CNOT7: variants seen among roughly 807,000 people sequenced by gnomAD.
CNOT7 encodes the protein CCR4-NOT transcription complex subunit 7.
A neutral mutation model predicts 37.1 loss-of-function variants in CNOT7; 4 were observed. That is an observed-to-expected ratio of 0.11 (90% CI 0.05 to 0.25). CNOT7 has a LOEUF of 0.25. Among genes scored for constraint, CNOT7 ranks in the 10% least tolerant of loss-of-function variants. CNOT7 has a pLI of 1.00. For missense variants in CNOT7, 170 were observed against 336.2 expected (o/e 0.51, Z 3.87); for synonymous variants, 128 against 115.6 (o/e 1.11, Z -0.69).
At chr8:17,244,860 C>G (rs1810679602) in intron 2 of CNOT7, 176 bp downstream of exon 2, 2 of 569,996 alleles carry the variant, frequency 3.5e-6, no homozygotes, top group Non-Finnish European at 6.2e-6. Context: ...TAAACCCAAC[C>G]TGTCAAATCA....
intron 6 of CNOT7, chr8:17,232,125 G>A: frequency 9.5e-7 from 1 of 1,055,950 alleles, no homozygotes; most frequent in Non-Finnish European, 1.2e-6. Flanking sequence ...GTTTAATCAT[G>A]GAAGTTATTA....
chr8:17,235,705 T>C (rs1191231449), intron 4 of CNOT7, among the ~76,000 whole-genome samples: 1 of 152,180 alleles, frequency 6.6e-6, no homozygotes, highest in African/African-American at 2.4e-5. Context: ...CTCACTAACA[T>C]TAAAAGATTA....
At chr8:17,244,955 CA>C in intron 2 of CNOT7, 80 bp downstream of exon 2, 1 of 1,163,930 alleles carries the variant, frequency 8.6e-7, no homozygotes, top group Non-Finnish European at 1.2e-6. Context: ...AAATATCAAC[CA>C]AAAGGGTTGA....
chr8:17,231,155 C>T (rs1808549206), intron 6 of CNOT7, among the ~76,000 whole-genome samples: 2 of 151,988 alleles, frequency 1.3e-5, no homozygotes, highest in South Asian at 4.1e-4. Context: ...TTTAACAATA[C>T]TCAAGAATGA....
At chr8:17,232,600 T>C (rs1808775119) in intron 5 of CNOT7, 63 bp from the exon 6 acceptor site, 5 of 1,440,634 alleles carry the variant, frequency 3.5e-6, no homozygotes, top group South Asian at 1.2e-5. Flanking sequence ...ATTCACAAAT[T>C]ATAAACTTAG....
chr8:17,235,960 G>C (rs186630882), intron 4 of CNOT7, among the ~76,000 whole-genome samples: 2 of 152,070 alleles, frequency 1.3e-5, no homozygotes, highest in East Asian at 1.9e-4. Context: ...TAAATGAAAG[G>C]GTATGTCATA....
chr8:17,231,579 G>A (rs1379051400), intron 6 of CNOT7: 1 of 984,830 alleles, frequency 1.0e-6, no homozygotes, highest in Admixed American at 6.2e-5. Context: ...TAAATTCTCA[G>A]TCTCAATTTA....
intron 6 of CNOT7, 38 bp from the exon 7 acceptor site, chr8:17,230,886 T>A: frequency 6.9e-7 from 1 of 1,454,564 alleles, no homozygotes; most frequent in Non-Finnish European, 9.4e-7. Flanking sequence ...AAGATAATTT[T>A]AACCAAAAGG....
At chr8:17,233,507 A>G (rs568794301) in intron 5 of CNOT7, among the ~76,000 whole-genome samples, 1 of 152,324 alleles carries the variant, frequency 6.6e-6, no homozygotes, top group Admixed American at 6.5e-5. Flanking sequence ...CATTCAGAAT[A>G]TCTGTACTTA....
Position 17,242,007 on chromosome 8 carries a change from G to C in CNOT7, c.311+985C>G, listed in dbSNP as rs545963478. On this transcript the variant is annotated intron_variant, in intron 3 of 6. Coordinates refer to ENST00000361272, the MANE Select transcript of CNOT7 (RefSeq NM_013354.7). ...AGGGCACAATGTGGGAACCAACCCT[G>C]GTCAGCATGTCGTTCCGTGGCACAG... The C allele has an allele frequency of 2.0e-5, 3 of 152,310 alleles. No homozygotes were observed. The South Asian group carries it at 6.2e-4, about 32-fold the overall frequency. 9.4% of individuals were successfully genotyped at this position (152,310 alleles called of 1,614,324 possible). A position where few individuals can be genotyped will look rare whatever the true frequency, so the allele number is the denominator to read the frequency against.
At chr8:17,246,034 C>T (rs1163409449) in intron 1 of CNOT7, 1 of 152,036 alleles carries the variant, frequency 6.6e-6, no homozygotes, top group East Asian at 1.9e-4. Flanking sequence ...ACTTCCAATT[C>T]TCCAAGTAGA....
chr8:17,245,126 G>A lies in CNOT7; in HGVS notation c.27C>T (p.Ser9=). 4 of 1,613,388 alleles carry A rather than the reference G, an allele frequency of 2.5e-6. No individual in the cohort carries two copies. Among genetic ancestry groups the A allele is most frequent in the Non-Finnish European group, 3.4e-6 (4 of 1,179,746 alleles). Residue 9 remains serine, a synonymous_variant, in exon 2 of 7, where the codon AGC becomes AGT. Coordinates refer to ENST00000361272, the MANE Select transcript of CNOT7 (RefSeq NM_013354.7). MPAATVDH[S]QRICEVWACN... is the part of the protein sequence containing the mutation. ...AAGCCCAAACTTCACAAATTCTTTG[G>A]CTATGATCTACAGTTGCCGCTGGCA... is the stretch of plus-strand genomic sequence containing the variant.
intron 5 of CNOT7, among the ~76,000 whole-genome samples, chr8:17,233,813 C>T (rs1165399711): frequency 6.6e-6 from 1 of 152,176 alleles, no homozygotes; most frequent in African/African-American, 2.4e-5. Flanking sequence ...AAGGTAAACA[C>T]TGGCCAAAAG....
chr8:17,234,565 C>A, intron 5 of CNOT7, 151 bp downstream of exon 5: 1 of 806,214 alleles, frequency 1.2e-6, no homozygotes, highest in South Asian at 1.6e-5. Flanking sequence ...ATTATGTATG[C>A]AAGAAAAAAA....
At chr8:17,238,978 T>A (rs1424061880) in intron 3 of CNOT7, among the ~76,000 whole-genome samples, 2 of 152,196 alleles carry the variant, frequency 1.3e-5, no homozygotes, top group African/African-American at 2.4e-5. Context: ...TATCCTAACA[T>A]ACAACTCCTT....
At position 17,225,074 on chromosome 8, in the gene CNOT7, G is replaced by A. The variant is rs1467345483; in HGVS notation, c.*5646C>T. ...GAAAAACAAAACAGGTATATGGCAT[G>A]AGTGAAACAGTTCCCCATTAAAAGC... On this transcript the variant is annotated 3_prime_UTR_variant, in exon 7 of 7. Coordinates refer to ENST00000361272, the MANE Select transcript of CNOT7 (RefSeq NM_013354.7). 6.6e-6 allele frequency: 1 copy of A among 151,668 alleles called. No homozygotes were observed. The highest frequency in any genetic ancestry group is 1.5e-5 in the Non-Finnish European group (1 of 67,682). 9.4% of individuals were successfully genotyped at this position (151,668 alleles called of 1,614,324 possible). A position where few individuals can be genotyped will look rare whatever the true frequency, so the allele number is the denominator to read the frequency against.
At chr8:17,233,503 G>C (rs1286555942) in intron 5 of CNOT7, among the ~76,000 whole-genome samples, 1 of 152,124 alleles carries the variant, frequency 6.6e-6, no homozygotes, top group Non-Finnish European at 1.5e-5. Context: ...GACACATTCA[G>C]AATATCTGTA....
intron 4 of CNOT7, among the ~76,000 whole-genome samples, chr8:17,236,799 A>C (rs1809421157): frequency 6.6e-6 from 1 of 152,162 alleles, no homozygotes; most frequent in South Asian, 2.1e-4. Context: ...AGTTCCTAGA[A>C]TCTCATCTCA....
rs1808269928 is a variant in CNOT7 at position 17,228,000 on chromosome 8, A to G, written c.*2720T>C. 1 of 151,982 alleles carries G rather than the reference A, an allele frequency of 6.6e-6. No individual in the cohort carries two copies. The highest frequency in any genetic ancestry group is 2.4e-5 in the African/African-American group (1 of 41,454). The allele number at this position is 151,982 out of a possible 1,614,324, so 9.4% of individuals were successfully genotyped here. A position where few individuals can be genotyped will look rare whatever the true frequency, so the allele number is the denominator to read the frequency against. On this transcript the variant is annotated 3_prime_UTR_variant, in exon 7 of 7. Transcript: ENST00000361272. ...ACACAGGTTCTGTAGCAGCTACTCA[A>G]CTTTCCCATTATAGCAAAAAAGTAT...
Sources: allele counts gnomAD v4.1 joint callset (sites outside exome capture counted in the v4.1 genomes callset), GRCh38; gene constraint gnomAD v4.1.1; transcripts MANE v1.5; gene names NCBI Gene and HGNC (gene_info 2026-07-23, HGNC 2026-07-21).